ATP2B2: variants seen among roughly 807,000 people sequenced by gnomAD.
ATP2B2 encodes ATPase plasma membrane Ca2+ transporting 2, also known as plasma membrane calcium-transporting ATPase 2.
In ATP2B2, 15 loss-of-function variants were observed where a neutral mutation model predicts 120.0. The observed-to-expected ratio is 0.12, with a 90% CI of 0.08 to 0.19. ATP2B2 has a LOEUF of 0.19. Among genes scored for constraint, ATP2B2 ranks in the 10% least tolerant of loss-of-function variants. The pLI is 1.00. For missense variants in ATP2B2, 1,045 were observed against 1,719.8 expected (o/e 0.61, Z 6.94); for synonymous variants, 694 against 700.3 (o/e 0.99, Z 0.14).
chr3:10,365,680 G>A (rs1284755961), intron 12 of ATP2B2, among the ~76,000 whole-genome samples: 1 of 148,784 alleles, frequency 6.7e-6, no homozygotes, highest in Non-Finnish European at 1.5e-5. Context: ...GTGTGTGTGT[G>A]TATATGATGT....
intron 2 of ATP2B2, among the ~76,000 whole-genome samples, chr3:10,431,748 TAA>T (rs112026049): frequency 7.0e-6 from 1 of 142,394 alleles, no homozygotes; most frequent in Admixed American, 7.0e-5. Flanking sequence ...ATGAATAACT[TAA>T]AAAAAAAAAA....
At chr3:10,665,813 A>T (rs1020609036) in intron 1 of ATP2B2, among the ~76,000 whole-genome samples, 1 of 152,162 alleles carries the variant, frequency 6.6e-6, no homozygotes, top group African/African-American at 2.4e-5. Context: ...ATAAGCTGGT[A>T]TCAGAGCTGG....
At chr3:10,640,207 A>T (rs908106805) in intron 1 of ATP2B2, among the ~76,000 whole-genome samples, 5 of 152,148 alleles carry the variant, frequency 3.3e-5, no homozygotes, top group Non-Finnish European at 7.4e-5. Flanking sequence ...ATTTGAACCG[A>T]TGTCTATCTA....
rs2059908844 is a variant in ATP2B2 at position 10,328,935 on chromosome 3, G to A, written c.3611C>T (p.Ser1204Leu). 1 of 1,613,856 alleles carries A rather than the reference G, an allele frequency of 6.2e-7. No homozygotes were observed. Among genetic ancestry groups the A allele is most frequent in the Non-Finnish European group, 8.5e-7 (1 of 1,180,006 alleles). Reference protein sequence around the residue: ...AALKQNSSPPSSLNKNNSAID... With the variant: ...AALKQNSSPPLSLNKNNSAID... ...GGCGCTGTTGTTCTTGTTGAGGGATGACGGCGGGCTCGAGTTCTGCTTGAG... is the reference window on the plus strand; with the variant it reads ...GGCGCTGTTGTTCTTGTTGAGGGATAACGGCGGGCTCGAGTTCTGCTTGAG... Residue 1204 changes from serine to leucine, a missense_variant, in exon 23 of 23, where the codon TCA becomes TTA. Physicochemically the swap from Ser to Leu is moderately radical, Grantham distance 145 (BLOSUM62 -2). Coordinates refer to ENST00000360273, the MANE Select transcript of ATP2B2 (RefSeq NM_001001331.4).
At chr3:10,636,032 C>T (rs994176469) in intron 1 of ATP2B2, among the ~76,000 whole-genome samples, 2 of 152,190 alleles carry the variant, frequency 1.3e-5, no homozygotes, top group Non-Finnish European at 1.5e-5. Flanking sequence ...GCCTGGAGAC[C>T]TCTTACACTT....
At chr3:10,453,429 G>A (rs1182085646) in intron 1 of ATP2B2, among the ~76,000 whole-genome samples, 2 of 152,212 alleles carry the variant, frequency 1.3e-5, no homozygotes, top group Non-Finnish European at 1.5e-5. Flanking sequence ...GAGGCCAAGA[G>A]AGATGAAGTA....
At chr3:10,443,468 G>A (rs1359729556) in intron 2 of ATP2B2, among the ~76,000 whole-genome samples, 1 of 152,198 alleles carries the variant, frequency 6.6e-6, no homozygotes. Context: ...TGAGAGCGTA[G>A]TCTGGGATTT....
chr3:10,559,242 G>A (rs1235673371), intron 2 of ATP2B2, among the ~76,000 whole-genome samples: 1 of 152,180 alleles, frequency 6.6e-6, no homozygotes, highest in Non-Finnish European at 1.5e-5. Context: ...GGCTATTAGA[G>A]GCTGGGAAAT....
At chr3:10,650,800 A>G (rs1203391815) in intron 1 of ATP2B2, among the ~76,000 whole-genome samples, 1 of 152,240 alleles carries the variant, frequency 6.6e-6, no homozygotes, top group Non-Finnish European at 1.5e-5. Flanking sequence ...CAGACACTCA[A>G]TGCCAGCCCC....
chr3:10,544,490 C>A (rs146315315), intron 2 of ATP2B2, among the ~76,000 whole-genome samples: 1 of 152,236 alleles, frequency 6.6e-6, no homozygotes, highest in Non-Finnish European at 1.5e-5. Context: ...TGAAAGAGAA[C>A]TGGAAATGGA....
intron 2 of ATP2B2, among the ~76,000 whole-genome samples, chr3:10,582,407 T>C (rs1188349821): frequency 1.3e-5 from 2 of 152,228 alleles, no homozygotes; most frequent in Non-Finnish European, 2.9e-5. Flanking sequence ...GGACACCTGA[T>C]ACCTGCCTGC....
chr3:10,545,279 C>A (rs1393252144), intron 2 of ATP2B2, among the ~76,000 whole-genome samples: 2 of 152,272 alleles, frequency 1.3e-5, no homozygotes, highest in East Asian at 3.9e-4. Context: ...CCTGTAATCC[C>A]AGCACTTTGG....
At chr3:10,508,162 G>A (rs2066684535), upstream of ATP2B2, among the ~76,000 whole-genome samples, 2 of 152,152 alleles carry the variant, frequency 1.3e-5, no homozygotes, top group Admixed American at 1.3e-4. Flanking sequence ...ATGTCTTTCA[G>A]CGCCTGCATC....
intron 2 of ATP2B2, among the ~76,000 whole-genome samples, chr3:10,616,672 C>G (rs552680334): frequency 2.1e-3 from 257 of 121,160 alleles, no homozygotes; most frequent in Non-Finnish European, 9.0e-4. Context: ...ATACAGCTGA[C>G]TAGCAAAATG....
intron 8 of ATP2B2, among the ~76,000 whole-genome samples, chr3:10,383,912 A>G (rs1271730553): frequency 6.6e-6 from 1 of 152,154 alleles, no homozygotes; most frequent in African/African-American, 2.4e-5. Context: ...CAGCAGGCTC[A>G]CTGCCGGGGT....
chr3:10,661,836 C>T (rs1244985353), intron 1 of ATP2B2, among the ~76,000 whole-genome samples: 1 of 152,186 alleles, frequency 6.6e-6, no homozygotes, highest in African/African-American at 2.4e-5. Flanking sequence ...ATCACACTAC[C>T]TGACTTCAAA....
intron 1 of ATP2B2, 117 bp from the exon 2 acceptor site, chr3:10,449,979 A>T (rs1286511458): frequency 1.6e-5 from 5 of 310,174 alleles, no homozygotes; most frequent in Non-Finnish European, 1.3e-5. Flanking sequence ...GACTACACCC[A>T]TGCCCCCTAA....
intron 1 of ATP2B2, among the ~76,000 whole-genome samples, chr3:10,686,895 T>G (rs1445206159): frequency 2.6e-5 from 4 of 152,108 alleles, no homozygotes; most frequent in African/African-American, 9.7e-5. Flanking sequence ...GGGAGTGGCA[T>G]GTAGTACAGA....
chr3:10,412,606 C>G (rs1261235191), intron 2 of ATP2B2, among the ~76,000 whole-genome samples: 1 of 152,194 alleles, frequency 6.6e-6, no homozygotes, highest in Non-Finnish European at 1.5e-5. Context: ...CCCAGGAGGA[C>G]AGTGGCCCTC....
Sources: allele counts gnomAD v4.1 joint callset (sites outside exome capture counted in the v4.1 genomes callset), GRCh38; gene constraint gnomAD v4.1.1; transcripts MANE v1.5; gene names NCBI Gene and HGNC (gene_info 2026-07-23, HGNC 2026-07-21).